The following SMYD3 variants were observed in gnomAD, a reference collection of about 807,000 sequenced individuals.
SMYD3 encodes the protein SET and MYND domain containing 3, also known as histone-lysine N-methyltransferase SMYD3.
SMYD3 carries 36 observed loss-of-function variants against 57.7 expected under a neutral mutation model. The ratio of observed to expected loss-of-function variants is 0.62; its 90% CI spans 0.48 to 0.82. The LOEUF is 0.82. SMYD3 is among the 40% of genes least tolerant of loss of function. The pLI, the probability that SMYD3 is intolerant of heterozygous loss-of-function variation, is 0.00. For missense variants in SMYD3, 515 were observed against 538.8 expected (o/e 0.96, Z 0.44); for synonymous variants, 211 against 195.0 (o/e 1.08, Z -0.68).
At chr1:245,929,805 AGGGCTG>A in intron 6 of SMYD3, 59 bp downstream of exon 6, 1 of 1,328,898 alleles carries the variant, frequency 7.5e-7, no homozygotes, top group East Asian at 2.3e-5. Context: ...CTACCTCCAA[AGGGCTG>A]GGGATTTGGG....
chr1:246,451,376 A>C (rs2067630179), intron 1 of SMYD3, among the ~76,000 whole-genome samples: 1 of 152,262 alleles, frequency 6.6e-6, no homozygotes, highest in Non-Finnish European at 1.5e-5. Context: ...AAGCGAAAGA[A>C]GCCAATGTGA....
intron 1 of SMYD3, among the ~76,000 whole-genome samples, chr1:246,461,509 G>A (rs1168995926): frequency 6.6e-6 from 1 of 151,936 alleles, no homozygotes; most frequent in Non-Finnish European, 1.5e-5. Context: ...ATAAAGCACA[G>A]CAATCTATTT....
chr1:246,395,665 C>A (rs113745171), intron 1 of SMYD3, among the ~76,000 whole-genome samples: 1,638 of 80,988 alleles, frequency 0.02, 12 homozygotes, highest in Middle Eastern at 0.049. Flanking sequence ...GAAGACGAAC[C>A]CACCACAGTC....
intron 1 of SMYD3, among the ~76,000 whole-genome samples, chr1:246,409,026 T>A (rs62910260): frequency 2.0e-5 from 1 of 49,076 alleles, no homozygotes; most frequent in Non-Finnish European, 5.9e-5. Context: ...TTTTGATGGG[T>A]TTTTTTTTCT....
At chr1:246,452,412 G>C (rs2067645614) in intron 1 of SMYD3, among the ~76,000 whole-genome samples, 1 of 152,124 alleles carries the variant, frequency 6.6e-6, no homozygotes, top group African/African-American at 2.4e-5. Flanking sequence ...TGAGGCACGA[G>C]AATCGTTTGA....
chr1:245,848,894 G>C (rs1256431658), intron 10 of SMYD3, among the ~76,000 whole-genome samples: 1 of 152,182 alleles, frequency 6.6e-6, no homozygotes, highest in African/African-American at 2.4e-5. Flanking sequence ...TGAGCAGAGA[G>C]AAAGTATATG....
intron 5 of SMYD3, chr1:245,947,288 GA>G: frequency 2.3e-6 from 1 of 439,672 alleles, no homozygotes; most frequent in South Asian, 1.6e-5. Flanking sequence ...GGAAGAAACA[GA>G]AAATGAAGCC....
rs541205729 is a variant in SMYD3 at position 246,005,703 on chromosome 1, TTAC to T, written c.532-75769_532-75767del. ...ATAAAAGCAAAACACAAGTACCTGC[TTAC>T]TGCAGAATCCTCTCACAAACAGAGA... On this transcript the variant is annotated intron_variant, in intron 5 of 11. Coordinates refer to ENST00000490107, the MANE Select transcript of SMYD3 (RefSeq NM_001167740.2). 4.1e-4 allele frequency among the ~76,000 whole-genome samples: 63 copies of T among 152,294 alleles called. No homozygotes were observed. The South Asian group carries it at 0.012, about 30-fold the overall frequency.
chr1:246,015,277 C>T (rs1029565301), intron 5 of SMYD3, among the ~76,000 whole-genome samples: 6 of 152,054 alleles, frequency 3.9e-5, no homozygotes, highest in Non-Finnish European at 2.9e-5. Flanking sequence ...AAAAAGGGGA[C>T]ATTTTCCCTT....
At chr1:246,483,629 T>G (rs1195829903) in intron 1 of SMYD3, 1 of 152,222 alleles carries the variant, frequency 6.6e-6, no homozygotes, top group Non-Finnish European at 1.5e-5. Flanking sequence ...GGCTGTATAA[T>G]TATGTAATAA....
At chr1:246,110,466 C>T (rs548330220) in intron 5 of SMYD3, among the ~76,000 whole-genome samples, 2 of 152,224 alleles carry the variant, frequency 1.3e-5, no homozygotes, top group Admixed American at 6.5e-5. Context: ...CTCTCTTACA[C>T]TGTGTGTCTC....
intron 5 of SMYD3, among the ~76,000 whole-genome samples, chr1:245,938,674 A>G (rs1453241871): frequency 6.6e-6 from 1 of 152,204 alleles, no homozygotes; most frequent in African/African-American, 2.4e-5. Context: ...ATGGCCAGAT[A>G]CACAAATCAG....
At chr1:246,302,044 G>A (rs771397494) in intron 5 of SMYD3, among the ~76,000 whole-genome samples, 2 of 152,088 alleles carry the variant, frequency 1.3e-5, no homozygotes, top group Non-Finnish European at 2.9e-5. Flanking sequence ...TAGAAATACC[G>A]CGTTTCCCTG....
At chr1:246,030,203 A>G (rs1390126671) in intron 5 of SMYD3, among the ~76,000 whole-genome samples, 1 of 152,152 alleles carries the variant, frequency 6.6e-6, no homozygotes, top group Non-Finnish European at 1.5e-5. Flanking sequence ...TAAAGAAAAC[A>G]TAGATACAGA....
chr1:246,054,389 A>C (rs2060114031), intron 5 of SMYD3, among the ~76,000 whole-genome samples: 1 of 152,250 alleles, frequency 6.6e-6, no homozygotes. Flanking sequence ...ATATAATACT[A>C]ACCATATAAC....
At chr1:245,870,833 A>ACAC (rs2052148907) in intron 8 of SMYD3, among the ~76,000 whole-genome samples, 1 of 26,592 alleles carries the variant, frequency 3.8e-5, no homozygotes, top group African/African-American at 5.2e-5. Context: ...CTGTCAGGTT[A>ACAC]AACACACGAA....
At chr1:245,865,994 GA>G (rs5782373) in intron 8 of SMYD3, among the ~76,000 whole-genome samples, 136,730 of 152,078 alleles carry the variant, frequency 0.9, 62,605 homozygotes, top group Non-Finnish European at 0.99. Context: ...CAGTGTGAAG[GA>G]TGACATAAGG....
intron 5 of SMYD3, among the ~76,000 whole-genome samples, chr1:246,063,658 T>G (rs575930988): frequency 1.7e-3 from 232 of 140,382 alleles, no homozygotes; most frequent in Non-Finnish European, 3.0e-3. Flanking sequence ...TCTCTCTCTC[T>G]CTTAACAGTC....
At chr1:246,502,258 C>A (rs139656720) in intron 1 of SMYD3, among the ~76,000 whole-genome samples, 2,605 of 152,038 alleles carry the variant, frequency 0.017, 79 homozygotes, top group African/African-American at 0.059. Flanking sequence ...CCCACCTCAG[C>A]CTTCTGAGTA....
Sources: allele counts gnomAD v4.1 joint callset (sites outside exome capture counted in the v4.1 genomes callset), GRCh38; gene constraint gnomAD v4.1.1; transcripts MANE v1.5; gene names NCBI Gene and HGNC (gene_info 2026-07-23, HGNC 2026-07-21).